CDC73: variants seen among roughly 807,000 people sequenced by gnomAD.
CDC73 encodes the protein parafibromin.
In CDC73, 21 loss-of-function variants were observed where a neutral mutation model predicts 83.7. The ratio of observed to expected loss-of-function variants is 0.25; its 90% CI spans 0.18 to 0.36. CDC73 has a LOEUF of 0.36. CDC73 is among the 10% of genes least tolerant of loss of function. The pLI is 1.00. For synonymous variants in CDC73, 224 were observed against 212.9 expected (o/e 1.05, Z -0.45); for missense variants, 342 against 653.3 (o/e 0.52, Z 5.19).
chr1:193,127,141 G>T (rs1341085644), intron 2 of CDC73, among the ~76,000 whole-genome samples: 7 of 151,968 alleles, frequency 4.6e-5, no homozygotes, highest in Non-Finnish European at 8.8e-5. Context: ...GTGGTAGTGT[G>T]CACCTATACT....
intron 10 of CDC73, among the ~76,000 whole-genome samples, chr1:193,164,439 G>C (rs941737155): frequency 4.6e-5 from 7 of 151,988 alleles, no homozygotes; most frequent in African/African-American, 1.5e-4. Flanking sequence ...GCTTATGAGA[G>C]TAGCATTTGA....
At chr1:193,237,155 C>T (rs548580762) in intron 15 of CDC73, 1 of 151,900 alleles carries the variant, frequency 6.6e-6, no homozygotes, top group Non-Finnish European at 1.5e-5. Flanking sequence ...AGGTCTCAAT[C>T]TCCTGACCTT....
At chr1:193,195,094 A>G (rs576290397) in intron 10 of CDC73, among the ~76,000 whole-genome samples, 14 of 152,266 alleles carry the variant, frequency 9.2e-5, no homozygotes, top group Middle Eastern at 3.4e-3. Context: ...GATCTGTGTC[A>G]GCCAGCTGAG....
chr1:193,131,364 C>G (rs1427929366), intron 3 of CDC73, among the ~76,000 whole-genome samples: 1 of 152,144 alleles, frequency 6.6e-6, no homozygotes, highest in African/African-American at 2.4e-5. Flanking sequence ...GTTTTTTTCT[C>G]TTTTTAAAAG....
intron 13 of CDC73, among the ~76,000 whole-genome samples, chr1:193,219,481 T>C (rs778329087): frequency 2.6e-5 from 4 of 152,172 alleles, no homozygotes; most frequent in Non-Finnish European, 4.4e-5. Context: ...ATTAAAGACA[T>C]GGAATCAACC....
At chr1:193,161,577 A>C (rs1336144536) in intron 10 of CDC73, among the ~76,000 whole-genome samples, 1 of 125,624 alleles carries the variant, frequency 8.0e-6, no homozygotes, top group Non-Finnish European at 1.6e-5. Context: ...ATATATTATT[A>C]TATAATATAT....
intron 10 of CDC73, among the ~76,000 whole-genome samples, chr1:193,187,625 G>T (rs2103165293): frequency 6.6e-6 from 1 of 152,068 alleles, no homozygotes; most frequent in South Asian, 2.1e-4. Context: ...TTATAGTTTT[G>T]GAGCTTAAGC....
At chr1:193,224,500 AAT>A (rs1677530017) in intron 13 of CDC73, among the ~76,000 whole-genome samples, 1 of 152,010 alleles carries the variant, frequency 6.6e-6, no homozygotes, top group Non-Finnish European at 1.5e-5. Context: ...ACATATATGA[AAT>A]ATGCATTCAC....
intron 10 of CDC73, chr1:193,181,621 C>T (rs1676718426): frequency 7.2e-7 from 1 of 1,392,388 alleles, no homozygotes; most frequent in African/African-American, 1.4e-5. Context: ...TTTTCTTCTC[C>T]TTAATACTAT....
rs765427308 is a variant in CDC73 at position 193,233,053 on chromosome 1, A to T, written c.1215A>T (p.Ile405=). 5 of 1,613,634 alleles carry T rather than the reference A, an allele frequency of 3.1e-6. No homozygotes were observed. Among genetic ancestry groups the T allele is most frequent in the Non-Finnish European group, 4.2e-6 (5 of 1,179,486 alleles). Reference sequence around the variant, plus strand: ...GTCAACGAGAAAATGAAACTCTAATACAAAGAAGAAAAGACCAGATGCAAC... The same window carrying T: ...GTCAACGAGAAAATGAAACTCTAATTCAAAGAAGAAAAGACCAGATGCAAC... ...QGCQRENETL[I]QRRKDQMQPG... The change falls in exon 14 of 17, where the codon ATA becomes ATT. Residue 405 remains isoleucine (I), a synonymous_variant. Coordinates refer to ENST00000367435, the MANE Select transcript of CDC73 (RefSeq NM_024529.5).
intron 10 of CDC73, among the ~76,000 whole-genome samples, chr1:193,155,487 A>C (rs1413611184): frequency 6.6e-6 from 1 of 152,182 alleles, no homozygotes; most frequent in African/African-American, 2.4e-5. Context: ...TTTAAGAAAC[A>C]CTAGGTTAGG....
chr1:193,132,895 A>ATTTTTTTTTTT (rs781435930), intron 3 of CDC73, among the ~76,000 whole-genome samples: 1 of 113,196 alleles, frequency 8.8e-6, no homozygotes, highest in African/African-American at 3.3e-5. Context: ...TTTCCTGTAG[A>ATTTTTTTTTTT]TTTTTTTTTT....
intron 13 of CDC73, among the ~76,000 whole-genome samples, chr1:193,225,380 A>G (rs1216139642): frequency 6.6e-6 from 1 of 151,912 alleles, no homozygotes; most frequent in South Asian, 2.1e-4. Context: ...GTGTGCAGGT[A>G]TCTTTTTTGT....
chr1:193,163,148 G>A (rs1033003821), intron 10 of CDC73, among the ~76,000 whole-genome samples: 1 of 78,622 alleles, frequency 1.3e-5, no homozygotes, highest in South Asian at 5.3e-4. Context: ...GAACTTTGTG[G>A]GGTTGTGTGT....
At position 193,252,415 on chromosome 1, in the gene CDC73, G is replaced by T. The variant is rs747515533; in HGVS notation, c.*1703G>T. 8 of 229,840 alleles carry T rather than the reference G, an allele frequency of 3.5e-5. No individual in the cohort carries two copies. Among genetic ancestry groups the T allele is most frequent in the South Asian group, 3.6e-4 (2 of 5,498 alleles). The allele number at this position is 229,840 out of a possible 1,614,324, so 14.2% of individuals were successfully genotyped here. On this transcript the variant is annotated 3_prime_UTR_variant, in exon 17 of 17. Transcript: ENST00000367435. ...ATTTTTATGTAAGATTACTTGTCAAGACTACTACAAGTCAGTATGAACTAC... is the reference window on the plus strand; with the variant it reads ...ATTTTTATGTAAGATTACTTGTCAATACTACTACAAGTCAGTATGAACTAC...
intron 10 of CDC73, among the ~76,000 whole-genome samples, chr1:193,165,024 G>T (rs1676412012): frequency 6.6e-6 from 1 of 152,154 alleles, no homozygotes; most frequent in Admixed American, 6.6e-5. Flanking sequence ...GAAGGGGAGA[G>T]AAGAGCAGGG....
chr1:193,142,083 A>G lies in CDC73; in HGVS notation c.729+17A>G, dbSNP rs1411506311. 1 of 1,574,234 alleles carries G rather than the reference A, an allele frequency of 6.4e-7. No individual in the cohort carries two copies. The highest frequency in any genetic ancestry group is 2.2e-5 in the East Asian group (1 of 44,588). On this transcript the variant is annotated intron_variant, in intron 7 of 16. Transcript: ENST00000367435. ...ACAGGAAAGGTAATTAAAATATTTT[A>G]CTCATTCATTGGAGTGAGAGAGAGA... is the stretch of plus-strand genomic sequence containing the variant.
chr1:193,225,133 GTTTGGT>G (rs1400006944), intron 13 of CDC73, among the ~76,000 whole-genome samples: 1 of 151,492 alleles, frequency 6.6e-6, no homozygotes, highest in Admixed American at 6.6e-5. Flanking sequence ...ATCATTCGAT[GTTTGGT>G]TTTCCATTCC....
At position 193,138,159 on chromosome 1, in the gene CDC73, G is replaced by A. The variant is rs1553279087; in HGVS notation, c.498G>A (p.Gln166=). 4 of 1,609,234 alleles carry A rather than the reference G, an allele frequency of 2.5e-6. No individual in the cohort carries two copies. The highest frequency in any genetic ancestry group is 1.3e-5 in the African/African-American group (1 of 74,832). The change falls in exon 6 of 17, where the codon CAG becomes CAA. Residue 166 remains glutamine (Q), a synonymous_variant. Coordinates refer to ENST00000367435, the MANE Select transcript of CDC73 (RefSeq NM_024529.5). ...RLEGHKEGIV[Q]TEQIRSLSEA... ...AGGGTCACAAAGAAGGGATTGTACAGACTGAACAGATTAGGTAAGAATTCT... is the reference window on the plus strand; with the variant it reads ...AGGGTCACAAAGAAGGGATTGTACAAACTGAACAGATTAGGTAAGAATTCT...
Sources: allele counts gnomAD v4.1 joint callset (sites outside exome capture counted in the v4.1 genomes callset), GRCh38; gene constraint gnomAD v4.1.1; transcripts MANE v1.5; gene names NCBI Gene and HGNC (gene_info 2026-07-23, HGNC 2026-07-21).